ZBTB20: variants seen among roughly 807,000 people sequenced by gnomAD.
The protein encoded by ZBTB20 is zinc finger and BTB domain containing 20.
In ZBTB20, 9 loss-of-function variants were observed where a neutral mutation model predicts 56.9. That is an observed-to-expected ratio of 0.16 (90% CI 0.10 to 0.28). The LOEUF (loss-of-function observed/expected upper bound fraction) is 0.28. Among genes scored for constraint, ZBTB20 ranks in the 10% least tolerant of loss-of-function variants. The pLI is 1.00. For missense variants in ZBTB20, 655 were observed against 1,003.0 expected, an observed-to-expected ratio of 0.65 and a Z score of 4.69; for synonymous variants, 417 against 420.7, an observed-to-expected ratio of 0.99 and a Z score of 0.11.
intron 5 of ZBTB20, among the ~76,000 whole-genome samples, chr3:114,766,663 G>A (rs2068814237): frequency 6.6e-6 from 1 of 151,866 alleles, no homozygotes; most frequent in South Asian, 2.1e-4. Flanking sequence ...AAGTTTGTTT[G>A]CTCTGTTAAA....
At chr3:114,702,112 T>C (rs2063424456) in intron 5 of ZBTB20, among the ~76,000 whole-genome samples, 1 of 151,854 alleles carries the variant, frequency 6.6e-6, no homozygotes, top group Non-Finnish European at 1.5e-5. Context: ...CTGAGGTGGG[T>C]GCATGGCTTG....
chr3:114,343,772 G>A (rs530619098), intron 11 of ZBTB20, among the ~76,000 whole-genome samples: 8 of 152,368 alleles, frequency 5.3e-5, no homozygotes, highest in African/African-American at 1.9e-4. Flanking sequence ...ACACGGCTGG[G>A]CACCGTGGCT....
At chr3:114,839,955 C>T (rs964546131) in intron 4 of ZBTB20, among the ~76,000 whole-genome samples, 3 of 152,132 alleles carry the variant, frequency 2.0e-5, no homozygotes, top group Admixed American at 6.6e-5. Flanking sequence ...CTGGGAAAGA[C>T]TAAATTTAAG....
intron 1 of ZBTB20, among the ~76,000 whole-genome samples, chr3:115,095,588 A>G (rs2083351959): frequency 6.6e-6 from 1 of 152,116 alleles, no homozygotes; most frequent in African/African-American, 2.4e-5. Flanking sequence ...ACAAAACAAA[A>G]AAAAGCCCTT....
chr3:114,537,802 A>G (rs1200948906), intron 6 of ZBTB20, among the ~76,000 whole-genome samples: 1 of 152,246 alleles, frequency 6.6e-6, no homozygotes, highest in Non-Finnish European at 1.5e-5. Context: ...AATACTATGC[A>G]GCCATTAAAA....
chr3:114,762,030 T>A (rs893953865), intron 5 of ZBTB20, among the ~76,000 whole-genome samples: 1 of 152,046 alleles, frequency 6.6e-6, no homozygotes, highest in Non-Finnish European at 1.5e-5. Flanking sequence ...TAAATGTAAA[T>A]AAATCTTAGC....
intron 6 of ZBTB20, among the ~76,000 whole-genome samples, chr3:114,534,982 G>C (rs186881614): frequency 1.7e-4 from 26 of 152,220 alleles, no homozygotes; most frequent in African/African-American, 6.3e-4. Flanking sequence ...CTGGGACACA[G>C]CTAAACTAAT....
intron 5 of ZBTB20, among the ~76,000 whole-genome samples, chr3:114,700,840 T>C (rs1413255303): frequency 6.6e-6 from 1 of 152,200 alleles, no homozygotes; most frequent in African/African-American, 2.4e-5. Context: ...GGTCATTGTT[T>C]CCATTATAAA....
intron 6 of ZBTB20, among the ~76,000 whole-genome samples, chr3:114,596,400 G>A (rs566686998): frequency 2.0e-5 from 3 of 152,034 alleles, no homozygotes; most frequent in East Asian, 3.9e-4. Context: ...ATTTTTATAC[G>A]TAATGGGAAA....
At chr3:114,997,308 G>A (rs765920691) in intron 2 of ZBTB20, among the ~76,000 whole-genome samples, 2 of 151,664 alleles carry the variant, frequency 1.3e-5, no homozygotes, top group Non-Finnish European at 2.9e-5. Flanking sequence ...TGATTAAAAC[G>A]TTCTGGAATT....
At chr3:114,724,975 T>G (rs2065166597) in intron 5 of ZBTB20, among the ~76,000 whole-genome samples, 1 of 152,218 alleles carries the variant, frequency 6.6e-6, no homozygotes. Context: ...ATTTCTGGGC[T>G]CCAATCCCAG....
intron 5 of ZBTB20, among the ~76,000 whole-genome samples, chr3:114,787,377 A>ACACAC (rs1553821578): frequency 1.7e-4 from 24 of 141,512 alleles, no homozygotes; most frequent in Non-Finnish European, 3.6e-4. Context: ...ATACACACAC[A>ACACAC]CACACACACA....
At chr3:114,974,317 A>T (rs2078011836) in intron 3 of ZBTB20, 49 bp downstream of exon 3, 1 of 152,174 alleles carries the variant, frequency 6.6e-6, no homozygotes, top group Non-Finnish European at 1.5e-5. Context: ...ATATTATAAG[A>T]CAATTCAAGA....
intron 3 of ZBTB20, among the ~76,000 whole-genome samples, chr3:114,917,870 A>G (rs952961595): frequency 7.0e-6 from 1 of 142,634 alleles, no homozygotes; most frequent in African/African-American, 2.6e-5. Context: ...GCCCACTATA[A>G]CCACTATTTG....
chr3:115,141,677 A>G (rs77984471), intron 1 of ZBTB20, among the ~76,000 whole-genome samples: 2,881 of 152,266 alleles, frequency 0.019, 44 homozygotes, highest in Middle Eastern at 0.051. Context: ...GTTTGTGGAA[A>G]TTTTAGACTA....
intron 3 of ZBTB20, among the ~76,000 whole-genome samples, chr3:114,919,115 C>CA (rs1257000532): frequency 1.3e-5 from 2 of 152,018 alleles, no homozygotes; most frequent in Non-Finnish European, 2.9e-5. Context: ...CAAAAAATAT[C>CA]AAAAACAACT....
intron 5 of ZBTB20, among the ~76,000 whole-genome samples, chr3:114,767,684 T>A (rs1405529701): frequency 6.6e-6 from 1 of 151,828 alleles, no homozygotes; most frequent in Non-Finnish European, 1.5e-5. Flanking sequence ...ATAGAGGTAT[T>A]TTCTCATCCT....
At chr3:114,864,868 T>C (rs933817820) in intron 4 of ZBTB20, among the ~76,000 whole-genome samples, 3 of 152,252 alleles carry the variant, frequency 2.0e-5, no homozygotes, top group South Asian at 2.1e-4. Flanking sequence ...TGCCCCTTCA[T>C]TGCCACACTT....
intron 6 of ZBTB20, among the ~76,000 whole-genome samples, chr3:114,685,506 G>T (rs989032439): frequency 2.6e-5 from 4 of 152,222 alleles, no homozygotes; most frequent in African/African-American, 7.2e-5. Flanking sequence ...GCAATGTGCA[G>T]CTGGGACTCT....
Sources: allele counts gnomAD v4.1 joint callset (sites outside exome capture counted in the v4.1 genomes callset), GRCh38; gene constraint gnomAD v4.1.1; transcripts MANE v1.5; gene names NCBI Gene and HGNC (gene_info 2026-07-23, HGNC 2026-07-21).